MACROD2: variants seen among roughly 807,000 people sequenced by gnomAD.
MACROD2 encodes mono-ADP ribosylhydrolase 2.
Under a neutral mutation model 70.4 loss-of-function variants are expected in MACROD2, and 36 were observed. That is an observed-to-expected ratio of 0.51 (90% CI 0.39 to 0.68). The LOEUF (loss-of-function observed/expected upper bound fraction) is 0.68, where lower values mean the gene tolerates loss of function less well. Ranked by LOEUF, MACROD2 falls within the 30% of genes least tolerant of loss-of-function variation. The probability of loss-of-function intolerance (pLI) is 0.00; values close to 1 mark genes in which losing one functional copy is unlikely to be tolerated. For missense variants in MACROD2, 496 were observed against 538.4 expected (o/e 0.92, Z 0.78); for synonymous variants, 172 against 178.8 (o/e 0.96, Z 0.30).
chr20:15,413,452 G>A (rs967059415), intron 6 of MACROD2, among the ~76,000 whole-genome samples: 7 of 152,158 alleles, frequency 4.6e-5, no homozygotes, highest in African/African-American at 1.7e-4. Context: ...GTCTCATTAA[G>A]GATGACTTCA....
At chr20:14,059,046 G>A (rs775124207) in intron 2 of MACROD2, among the ~76,000 whole-genome samples, 22 of 151,964 alleles carry the variant, frequency 1.4e-4, no homozygotes, top group Non-Finnish European at 3.1e-4. Context: ...TGTGTAGAGG[G>A]TTAACTTTAA....
intron 6 of MACROD2, among the ~76,000 whole-genome samples, chr20:15,417,697 C>T (rs964440692): frequency 2.0e-5 from 3 of 150,566 alleles, no homozygotes; most frequent in African/African-American, 7.3e-5. Flanking sequence ...GGAGGTTGTT[C>T]GAAATGCAAA....
intron 3 of MACROD2, among the ~76,000 whole-genome samples, chr20:14,282,604 A>G (rs6079379): frequency 6.6e-6 from 1 of 152,218 alleles, no homozygotes; most frequent in Non-Finnish European, 1.5e-5. Flanking sequence ...GAGACTGGGT[A>G]ATTTAAAAAT....
chr20:14,233,983 T>C (rs2081845554), intron 3 of MACROD2, among the ~76,000 whole-genome samples: 1 of 152,288 alleles, frequency 6.6e-6, no homozygotes, highest in South Asian at 2.1e-4. Flanking sequence ...GGTAAATATA[T>C]GATATTACGG....
intron 8 of MACROD2, among the ~76,000 whole-genome samples, chr20:15,510,504 A>G (rs2047484653): frequency 6.6e-6 from 1 of 152,108 alleles, no homozygotes; most frequent in African/African-American, 2.4e-5. Context: ...GAAGTAAATG[A>G]TTTGCTTGTT....
In MACROD2 at chr20:15,461,006, A is replaced by ATATATATATATATATTTTTT; in HGVS notation, c.571+29572_571+29573insATATATATATATATTTTTTT. Among the ~76,000 whole-genome samples the ATATATATATATATATTTTTT allele has an allele frequency of 6.6e-3, 438 of 66,762 alleles. 5 individuals carry two copies. The highest frequency in any genetic ancestry group is 0.011 in the Non-Finnish European group (344 of 30,298). The allele number at this position is 66,762 out of a possible 152,430, so 43.8% of individuals were successfully genotyped here. On this transcript the variant is annotated intron_variant, in intron 7 of 17. Coordinates refer to ENST00000684519, the MANE Select transcript of MACROD2 (RefSeq NM_001351661.2). ...TATATATATATATATATATATATAT[A>ATATATATATATATATTTTTT]TTTTTTTTTAATAGATGGGGTCTTG... is the stretch of plus-strand genomic sequence containing the variant.
intron 6 of MACROD2, among the ~76,000 whole-genome samples, chr20:15,367,328 A>C (rs753177601): frequency 7.9e-5 from 12 of 152,088 alleles, no homozygotes; most frequent in Admixed American, 6.6e-4. Context: ...GCCCGGCCCC[A>C]AAAATTACTG....
chr20:15,092,904 G>GA (rs1182839236), intron 5 of MACROD2, among the ~76,000 whole-genome samples: 1 of 152,114 alleles, frequency 6.6e-6, no homozygotes, highest in Non-Finnish European at 1.5e-5. Flanking sequence ...AGTGAAGCAG[G>GA]AATGTTTTAA....
chr20:15,064,731 G>A (rs1399545000), intron 5 of MACROD2, among the ~76,000 whole-genome samples: 1 of 152,164 alleles, frequency 6.6e-6, no homozygotes, highest in African/African-American at 2.4e-5. Flanking sequence ...GCTTATCAGG[G>A]CTGCCGTTTT....
chr20:14,961,076 G>A (rs1190254133), intron 5 of MACROD2, among the ~76,000 whole-genome samples: 4 of 152,104 alleles, frequency 2.6e-5, no homozygotes, highest in Admixed American at 2.0e-4. Flanking sequence ...CATGGGTTTT[G>A]CTATGATGTA....
chr20:15,503,259 A>G (rs6110633), intron 8 of MACROD2, among the ~76,000 whole-genome samples: 50,291 of 152,048 alleles, frequency 0.33, 8,926 homozygotes, highest in East Asian at 0.52. Flanking sequence ...TGAAAAATAT[A>G]AAGAAGACAA....
At chr20:16,011,205 C>T (rs933614089) in intron 15 of MACROD2, among the ~76,000 whole-genome samples, 1 of 152,146 alleles carries the variant, frequency 6.6e-6, no homozygotes, top group Non-Finnish European at 1.5e-5. Context: ...AATTGTGAGA[C>T]CAAATGTTGA....
chr20:15,923,879 T>C (rs1029731682), intron 10 of MACROD2, among the ~76,000 whole-genome samples: 3 of 152,352 alleles, frequency 2.0e-5, no homozygotes, highest in Admixed American at 2.0e-4. Context: ...CAATGTCAAA[T>C]AGCGATTAGC....
intron 8 of MACROD2, among the ~76,000 whole-genome samples, chr20:15,566,211 C>G (rs918354601): frequency 6.6e-6 from 1 of 152,132 alleles, no homozygotes; most frequent in Non-Finnish European, 1.5e-5. Context: ...AGGCTGGGCA[C>G]GGTGGCTCAT....
intron 8 of MACROD2, among the ~76,000 whole-genome samples, chr20:15,746,134 G>A (rs1362131652): frequency 6.6e-6 from 1 of 151,756 alleles, no homozygotes; most frequent in African/African-American, 2.4e-5. Flanking sequence ...AAAAATATTG[G>A]GCTTTATAAT....
chr20:14,626,557 C>A (rs1258740112), intron 4 of MACROD2, among the ~76,000 whole-genome samples: 2 of 152,088 alleles, frequency 1.3e-5, no homozygotes, highest in Non-Finnish European at 2.9e-5. Context: ...ACCTAGAATT[C>A]CTGGTTCTAA....
chr20:14,927,147 G>A (rs936385733), intron 5 of MACROD2, among the ~76,000 whole-genome samples: 1 of 152,032 alleles, frequency 6.6e-6, no homozygotes, highest in Non-Finnish European at 1.5e-5. Flanking sequence ...TGTGGATCCC[G>A]TACGTAAGTG....
intron 8 of MACROD2, 137 bp from the exon 9 acceptor site, chr20:15,862,608 A>T (rs1601012118): frequency 1.6e-6 from 1 of 640,320 alleles, no homozygotes; most frequent in African/African-American, 1.8e-5. Flanking sequence ...ACTTCACTCA[A>T]TGCTATGATG....
intron 3 of MACROD2, among the ~76,000 whole-genome samples, chr20:14,282,415 G>A (rs958764585): frequency 3.9e-5 from 6 of 152,296 alleles, no homozygotes; most frequent in Middle Eastern, 3.4e-3. Flanking sequence ...GGAGTTGACT[G>A]TCTGCTGGAT....
Sources: allele counts gnomAD v4.1 joint callset (sites outside exome capture counted in the v4.1 genomes callset), GRCh38; gene constraint gnomAD v4.1.1; transcripts MANE v1.5; gene names NCBI Gene and HGNC (gene_info 2026-07-23, HGNC 2026-07-21).